Variants in RBMS1 observed in about 807,000 individuals in gnomAD.
RBMS1 encodes the protein RNA binding motif single stranded interacting protein 1, also known as RNA-binding motif, single-stranded-interacting protein 1.
In RBMS1, 17 loss-of-function variants were observed where a neutral mutation model predicts 62.3. The ratio of observed to expected loss-of-function variants is 0.27; its 90% CI spans 0.19 to 0.41. The LOEUF is 0.41. Among genes scored for constraint, RBMS1 ranks in the 10% least tolerant of loss-of-function variants. The pLI is 1.00. For missense variants in RBMS1, 334 were observed against 504.5 expected, an observed-to-expected ratio of 0.66 and a Z score of 3.24; for synonymous variants, 172 against 170.0, an observed-to-expected ratio of 1.01 and a Z score of -0.09.
At chr2:160,384,541 A>G (rs1335156651) in intron 1 of RBMS1, among the ~76,000 whole-genome samples, 1 of 152,226 alleles carries the variant, frequency 6.6e-6, no homozygotes, top group Non-Finnish European at 1.5e-5. Flanking sequence ...CAGTACAGCA[A>G]TTAGGAATGA....
intron 1 of RBMS1, among the ~76,000 whole-genome samples, chr2:160,372,300 T>C (rs986089975): frequency 1.3e-5 from 2 of 152,042 alleles, no homozygotes; most frequent in African/African-American, 4.8e-5. Context: ...TTCATCCTTA[T>C]AGTTCAAGAA....
intron 1 of RBMS1, among the ~76,000 whole-genome samples, chr2:160,434,999 C>A (rs1394438670): frequency 6.6e-6 from 1 of 152,148 alleles, no homozygotes; most frequent in Non-Finnish European, 1.5e-5. Flanking sequence ...TGCCATCTTA[C>A]CCAGCTTTCT....
intron 6 of RBMS1, among the ~76,000 whole-genome samples, chr2:160,298,422 T>C (rs1689051711): frequency 6.6e-6 from 1 of 152,110 alleles, no homozygotes; most frequent in East Asian, 1.9e-4. Context: ...TCAATGACTA[T>C]GAATATAAGT....
intron 1 of RBMS1, among the ~76,000 whole-genome samples, chr2:160,405,336 T>C (rs1237557536): frequency 1.3e-5 from 2 of 151,978 alleles, no homozygotes; most frequent in African/African-American, 4.8e-5. Flanking sequence ...TCAAACTGCA[T>C]CATATACCTA....
intron 1 of RBMS1, among the ~76,000 whole-genome samples, chr2:160,439,615 C>A (rs1007138676): frequency 6.6e-6 from 1 of 152,080 alleles, no homozygotes; most frequent in African/African-American, 2.4e-5. Flanking sequence ...AGACGATGGG[C>A]GGCCAGGCGG....
intron 3 of RBMS1, among the ~76,000 whole-genome samples, chr2:160,315,731 T>C (rs1297558890): frequency 6.6e-6 from 1 of 152,214 alleles, no homozygotes; most frequent in East Asian, 1.9e-4. Context: ...ACCAATCTTT[T>C]GTGAGCTTTT....
At position 160,392,822 on chromosome 2, in the gene RBMS1, G is replaced by A. The variant is rs969415133; in HGVS notation, c.76-25431C>T. ...TGGGAGGATTGCTCCAGCTTGGGAG[G>A]TTGAGGCTGCAATAAGACATGATTG... On this transcript the variant is annotated intron_variant, in intron 1 of 13. Transcript: ENST00000348849. Among the ~76,000 whole-genome samples, 13 of 151,922 alleles carry A rather than the reference G, an allele frequency of 8.6e-5. 1 individual carries two copies. Among genetic ancestry groups the A allele is most frequent in the Non-Finnish European group, 1.3e-4 (9 of 68,010 alleles).
At position 160,285,028 on chromosome 2, in the gene RBMS1, G is replaced by A; in HGVS notation, c.773C>T (p.Thr258Ile). Reference protein sequence around the residue: ...GEVRLAGMTLTYDPTTAAIQN... With the variant: ...GEVRLAGMTLIYDPTTAAIQN... ...TATAGCAGCTGTAGTTGGGTCGTAA[G>A]TAAGTGTCATTCCAGCCTATGGGAA... is the stretch of plus-strand genomic sequence containing the variant. The change falls in exon 8 of 14, where the codon ACT becomes ATT. Residue 258 changes from threonine (T) to isoleucine (I), a missense_variant. Thr to Ile is a moderately conservative substitution (Grantham distance 89). Coordinates refer to ENST00000348849, the MANE Select transcript of RBMS1 (RefSeq NM_016836.4). 4 of 1,612,954 alleles carry A rather than the reference G, an allele frequency of 2.5e-6. No individual in the cohort carries two copies. The highest frequency in any genetic ancestry group is 3.4e-6 in the Non-Finnish European group (4 of 1,178,882).
chr2:160,409,061 C>T (rs1415335356), intron 1 of RBMS1, among the ~76,000 whole-genome samples: 2 of 152,010 alleles, frequency 1.3e-5, no homozygotes, highest in Non-Finnish European at 2.9e-5. Context: ...AACAGTGTCC[C>T]CTATGGAAAT....
chr2:160,414,368 T>C (rs1157633462), intron 1 of RBMS1, among the ~76,000 whole-genome samples: 1 of 152,100 alleles, frequency 6.6e-6, no homozygotes, highest in Non-Finnish European at 1.5e-5. Flanking sequence ...GAAAAATTTA[T>C]CTTCTGGGAT....
intron 1 of RBMS1, among the ~76,000 whole-genome samples, chr2:160,414,636 T>C (rs1696150018): frequency 6.6e-6 from 1 of 152,190 alleles, no homozygotes; most frequent in African/African-American, 2.4e-5. Flanking sequence ...ATAAATTAGT[T>C]ATTGCTCTGC....
At chr2:160,348,928 T>C (rs1692333025) in intron 2 of RBMS1, among the ~76,000 whole-genome samples, 1 of 152,136 alleles carries the variant, frequency 6.6e-6, no homozygotes, top group Non-Finnish European at 1.5e-5. Flanking sequence ...CTTGAGTTTA[T>C]TAATGTTTTA....
chr2:160,404,117 C>T (rs1695572372), intron 1 of RBMS1, among the ~76,000 whole-genome samples: 1 of 152,236 alleles, frequency 6.6e-6, no homozygotes, highest in East Asian at 1.9e-4. Context: ...AGTAATAGAA[C>T]GTACACATTT....
intron 1 of RBMS1, among the ~76,000 whole-genome samples, chr2:160,428,948 C>T (rs1010067324): frequency 6.6e-6 from 1 of 152,180 alleles, no homozygotes; most frequent in Non-Finnish European, 1.5e-5. Flanking sequence ...ACAAGCATAA[C>T]ACTTTGGGAT....
intron 1 of RBMS1, among the ~76,000 whole-genome samples, chr2:160,395,515 T>A (rs1295714765): frequency 4.0e-5 from 6 of 151,656 alleles, no homozygotes; most frequent in Admixed American, 3.9e-4. Context: ...TCCTAGCTAC[T>A]TGGGAGGCTG....
chr2:160,351,276 T>C (rs1003478772), intron 2 of RBMS1, among the ~76,000 whole-genome samples: 4 of 151,648 alleles, frequency 2.6e-5, no homozygotes, highest in Admixed American at 2.0e-4. Context: ...TATATACATA[T>C]GTAACAAACC....
At chr2:160,404,425 C>A (rs1187079323) in intron 1 of RBMS1, among the ~76,000 whole-genome samples, 1 of 152,048 alleles carries the variant, frequency 6.6e-6, no homozygotes, top group Non-Finnish European at 1.5e-5. Context: ...CTGCATCCGC[C>A]TACTGTGGAT....
chr2:160,420,675 C>T (rs920415721), intron 1 of RBMS1, among the ~76,000 whole-genome samples: 2 of 152,144 alleles, frequency 1.3e-5, no homozygotes, highest in African/African-American at 2.4e-5. Flanking sequence ...GATATATTCC[C>T]CTCAGTCACT....
intron 1 of RBMS1, among the ~76,000 whole-genome samples, chr2:160,421,136 T>A (rs1209503905): frequency 6.6e-6 from 1 of 151,856 alleles, no homozygotes; most frequent in African/African-American, 2.4e-5. Context: ...TCTAACTTAT[T>A]CTTTTTTCTT....
Sources: gnomAD v4.1 joint callset for allele counts (sites outside exome capture counted in the v4.1 genomes callset) on GRCh38, gnomAD v4.1.1 for gene constraint, MANE v1.5 for transcripts, NCBI Gene and HGNC (gene_info 2026-07-23, HGNC 2026-07-21) for gene names.